Variants in SRGAP2C observed in about 807,000 individuals in gnomAD.
The protein encoded by SRGAP2C is SLIT-ROBO Rho GTPase-activating protein 2C.
In SRGAP2C, 15 loss-of-function variants were observed where a neutral mutation model predicts 25.1. The observed-to-expected ratio is 0.60, with a 90% CI of 0.40 to 0.92. SRGAP2C has a LOEUF of 0.92. Ranked by LOEUF, SRGAP2C falls within the 40% of genes least tolerant of loss-of-function variation. The pLI, the probability that SRGAP2C is intolerant of heterozygous loss-of-function variation, is 0.00. For synonymous variants in SRGAP2C, 44 were observed against 96.6 expected, an observed-to-expected ratio of 0.46 and a Z score of 3.19; for missense variants, 144 against 264.4, an observed-to-expected ratio of 0.54 and a Z score of 3.16.
At position 121,278,165 on chromosome 1, in the gene SRGAP2C, T is replaced by C. The variant is rs1213083489; in HGVS notation, c.68-6638T>C. Among the ~76,000 whole-genome samples, 3 of 151,954 alleles carry C rather than the reference T, an allele frequency of 2.0e-5. 1 individual carries two copies. The highest frequency in any genetic ancestry group is 4.4e-5 in the Non-Finnish European group (3 of 67,930). On this transcript the variant is annotated intron_variant, in intron 2 of 9. Transcript: ENST00000367123. ...TTTTGCCATGTTGCCCAGGCTCGTC[T>C]GGAACTCCTGAGCTCTAGTAATCGG...
At chr1:121,238,474 T>C (rs1656011101) in intron 2 of SRGAP2C, among the ~76,000 whole-genome samples, 1 of 152,046 alleles carries the variant, frequency 6.6e-6, no homozygotes, top group Admixed American at 6.6e-5. Context: ...GAGCTCACAG[T>C]CTACTACTGC....
At chr1:121,378,810 G>T (rs587621645) in intron 7 of SRGAP2C, among the ~76,000 whole-genome samples, 1 of 152,108 alleles carries the variant, frequency 6.6e-6, no homozygotes, top group Non-Finnish European at 1.5e-5. Flanking sequence ...TTTTGTTGAT[G>T]CCATTACATT....
intron 4 of SRGAP2C, among the ~76,000 whole-genome samples, chr1:121,335,210 T>G (rs1311104190): frequency 6.6e-6 from 1 of 150,898 alleles, no homozygotes; most frequent in Non-Finnish European, 1.5e-5. Flanking sequence ...GGAGAATCAC[T>G]TGAACCCGGA....
chr1:121,224,892 C>T (rs1655628526), intron 2 of SRGAP2C, among the ~76,000 whole-genome samples: 1 of 145,686 alleles, frequency 6.9e-6, no homozygotes, highest in African/African-American at 2.5e-5. Context: ...CTATTCTTAG[C>T]TGGGTCTCTA....
At chr1:121,307,030 C>G (rs1433770626) in intron 3 of SRGAP2C, among the ~76,000 whole-genome samples, 1 of 148,948 alleles carries the variant, frequency 6.7e-6, no homozygotes, top group Non-Finnish European at 1.5e-5. Flanking sequence ...ATGGCGCCAT[C>G]TTGGCTCACT....
intron 4 of SRGAP2C, among the ~76,000 whole-genome samples, chr1:121,335,270 G>A (rs1658485995): frequency 1.4e-5 from 2 of 147,696 alleles, no homozygotes; most frequent in Non-Finnish European, 3.0e-5. Flanking sequence ...GAACCCGGAA[G>A]GTGGAGTTTG....
At chr1:121,283,397 AG>A (rs1657292946) in intron 2 of SRGAP2C, among the ~76,000 whole-genome samples, 1 of 149,136 alleles carries the variant, frequency 6.7e-6, no homozygotes, top group Non-Finnish European at 1.5e-5. Flanking sequence ...GACTACTTTA[AG>A]GCAAAGCTAA....
intron 2 of SRGAP2C, among the ~76,000 whole-genome samples, chr1:121,272,399 C>T (rs1246555196): frequency 2.0e-5 from 3 of 151,632 alleles, no homozygotes; most frequent in East Asian, 3.9e-4. Context: ...AGTCCAGTTC[C>T]AGGGTCAGAC....
chr1:121,297,540 T>C (rs1187414449), intron 3 of SRGAP2C, among the ~76,000 whole-genome samples: 2 of 145,798 alleles, frequency 1.4e-5, no homozygotes, highest in African/African-American at 2.5e-5. Flanking sequence ...TAAGGATATA[T>C]ATAATGTATA....
intron 4 of SRGAP2C, among the ~76,000 whole-genome samples, chr1:121,345,713 G>A (rs782561139): frequency 6.4e-5 from 9 of 140,008 alleles, no homozygotes; most frequent in South Asian, 4.6e-4. Flanking sequence ...AGTGCAGTGC[G>A]CGATCTTGAC....
At chr1:121,195,143 G>A (rs1470905928) in intron 2 of SRGAP2C, among the ~76,000 whole-genome samples, 1 of 151,832 alleles carries the variant, frequency 6.6e-6, no homozygotes, top group Non-Finnish European at 1.5e-5. Flanking sequence ...GGGTGTGGTG[G>A]CTTACATCTG....
chr1:121,230,785 C>G (rs1204998466), intron 2 of SRGAP2C, among the ~76,000 whole-genome samples: 3 of 151,906 alleles, frequency 2.0e-5, no homozygotes, highest in Non-Finnish European at 2.9e-5. Context: ...GGAACCAACC[C>G]AAATGCCCAT....
At chr1:121,284,137 G>T (rs1239165341) in intron 2 of SRGAP2C, among the ~76,000 whole-genome samples, 5 of 152,004 alleles carry the variant, frequency 3.3e-5, no homozygotes, top group Admixed American at 3.3e-4. Context: ...TGTGAAATCT[G>T]ATTGACAGTG....
At chr1:121,288,800 C>T (rs1657428428) in intron 3 of SRGAP2C, among the ~76,000 whole-genome samples, 1 of 63,666 alleles carries the variant, frequency 1.6e-5, no homozygotes, top group Middle Eastern at 5.4e-3. Flanking sequence ...ACACAGGGTG[C>T]TGATTGGTGT....
intron 3 of SRGAP2C, among the ~76,000 whole-genome samples, chr1:121,308,662 G>T (rs1413772467): frequency 2.0e-5 from 3 of 151,836 alleles, no homozygotes; most frequent in African/African-American, 7.3e-5. Flanking sequence ...GTATGGGCCG[G>T]GTGCGGTGGT....
At chr1:121,198,827 G>A (rs1400980751) in intron 2 of SRGAP2C, among the ~76,000 whole-genome samples, 10 of 149,990 alleles carry the variant, frequency 6.7e-5, no homozygotes, top group African/African-American at 1.2e-4. Context: ...TTTGTTACGC[G>A]TTGAGCTACA....
At chr1:121,281,716 AC>A (rs1657254188) in intron 2 of SRGAP2C, among the ~76,000 whole-genome samples, 1 of 5,036 alleles carries the variant, frequency 2.0e-4, no homozygotes. Flanking sequence ...ACAGATTGAA[AC>A]AGAGCTAGCT....
chr1:121,250,542 C>T (rs1289817223), intron 2 of SRGAP2C, among the ~76,000 whole-genome samples: 1 of 141,660 alleles, frequency 7.1e-6, no homozygotes, highest in Non-Finnish European at 1.5e-5. Flanking sequence ...ATGCTCTTAG[C>T]AGTGTTAATT....
In SRGAP2C at chr1:121,249,580, A is replaced by ATTT. The variant is rs1159053572; in HGVS notation, c.68-35207_68-35205dup. On this transcript the variant is annotated intron_variant, in intron 2 of 9. Coordinates refer to ENST00000367123, the MANE Select transcript of SRGAP2C (RefSeq NM_001329984.2). ...TATATATATATATATATATATATAT[A>ATTT]TTTTTTTTTTTTTTTTTTAAATTAT... 7.3e-3 allele frequency among the ~76,000 whole-genome samples: 163 copies of ATTT among 22,340 alleles called. 4 individuals are homozygous for ATTT. The highest frequency in any genetic ancestry group is 9.5e-3 in the East Asian group (4 of 420). 14.7% of individuals were successfully genotyped at this position (22,340 alleles called of 152,430 possible). A position where few individuals can be genotyped will look rare whatever the true frequency, so the allele number is the denominator to read the frequency against.
Sources: gnomAD v4.1 joint callset for allele counts (sites outside exome capture counted in the v4.1 genomes callset) on GRCh38, gnomAD v4.1.1 for gene constraint, MANE v1.5 for transcripts, NCBI Gene and HGNC (gene_info 2026-07-23, HGNC 2026-07-21) for gene names.